AGAP3: variants seen among roughly 807,000 people sequenced by gnomAD.
AGAP3 encodes the protein ArfGAP with GTPase domain, ankyrin repeat and PH domain 3.
A neutral mutation model predicts 96.9 loss-of-function variants in AGAP3; 24 were observed. That is an observed-to-expected ratio of 0.25 (90% confidence interval 0.18 to 0.35). AGAP3 has a LOEUF of 0.35. Among genes scored for constraint, AGAP3 ranks in the 10% least tolerant of loss-of-function variants. The pLI, the probability that AGAP3 is intolerant of heterozygous loss-of-function variation, is 1.00. For synonymous variants in AGAP3, 563 were observed against 536.1 expected (o/e 1.05, Z -0.69); for missense variants, 876 against 1,254.2 (o/e 0.70, Z 4.55).
chr7:151,114,727 G>A lies in AGAP3; in HGVS notation c.332-2066G>A, dbSNP rs1799457993. On this transcript the variant is annotated intron_variant, in intron 1 of 17. Coordinates refer to ENST00000397238, the MANE Select transcript of AGAP3 (RefSeq NM_031946.7). The surrounding 1 kb of genome is among the most constrained non-coding windows in gnomAD (Gnocchi z 4.4). ...GCGGCCCCGGCCCGGGCCCAGCCCCGTGCCCCTCGCCATGGGCCTGGCCCG... is the reference window on the plus strand; with the variant it reads ...GCGGCCCCGGCCCGGGCCCAGCCCCATGCCCCTCGCCATGGGCCTGGCCCG... 2 of 1,007,190 alleles carry A rather than the reference G, an allele frequency of 2.0e-6. No individual in the cohort carries two copies. The highest frequency in any genetic ancestry group is 1.7e-5 in the African/African-American group (1 of 57,354). 62.4% of individuals were successfully genotyped at this position (1,007,190 alleles called of 1,614,324 possible).
rs993262371 is a variant in AGAP3 at position 151,114,983 on chromosome 7, C to A, written c.332-1810C>A. 3.5e-4 allele frequency: 342 copies of A among 983,154 alleles called. 5 individuals carry two copies. The East Asian group carries it at 0.027, about 78-fold the overall frequency. The allele number at this position is 983,154 out of a possible 1,614,324, so 60.9% of individuals were successfully genotyped here. A position where few individuals can be genotyped will look rare whatever the true frequency, so the allele number is the denominator to read the frequency against. On this transcript the variant is annotated intron_variant, in intron 1 of 17. Coordinates refer to ENST00000397238, the MANE Select transcript of AGAP3 (RefSeq NM_031946.7). This position sits in a 1 kb window ranked among gnomAD's most constrained non-coding sequence, Gnocchi z 4.4. ...GCGGCCCGGAGCCGCCGCCCACCGG[C>A]GCCCGCGGCCTTTTGCTCGGCCTCC... is the stretch of plus-strand genomic sequence containing the variant.
Position 151,143,685 on chromosome 7 carries a change from ATC to A in AGAP3, c.2530-45_2530-44del. 1.1e-5 allele frequency: 18 copies of A among 1,610,682 alleles called. No homozygotes were observed. The highest frequency in any genetic ancestry group is 1.5e-5 in the Non-Finnish European group (18 of 1,177,474). The stretch of plus-strand genomic sequence containing the variant: ...CCTCTTCTTTCCTCCCCTACAACCA[ATC>A]TCTCTCCTCCCATGTCTTGCCAACT... On this transcript the variant is annotated intron_variant, in intron 17 of 17. Coordinates refer to ENST00000397238, the MANE Select transcript of AGAP3 (RefSeq NM_031946.7). This position sits in a 1 kb window ranked among gnomAD's most constrained non-coding sequence, Gnocchi z 5.9.
At chr7:151,128,881 C>T (rs1800289839) in intron 10 of AGAP3, among the ~76,000 whole-genome samples, 197 bp downstream of exon 10, 1 of 152,222 alleles carries the variant, frequency 6.6e-6, no homozygotes, top group South Asian at 2.1e-4. Flanking sequence ...CTCCCTTGCC[C>T]TCTGGGCGGT....
chr7:151,143,603 C>T lies in AGAP3; in HGVS notation c.2529+7C>T, dbSNP rs971276635. 2.5e-6 allele frequency: 4 copies of T among 1,598,684 alleles called. No individual in the cohort carries two copies. Among genetic ancestry groups the T allele is most frequent in the Non-Finnish European group, 3.4e-6 (4 of 1,170,414 alleles). On this transcript the variant is annotated splice_region_variant and intron_variant, in intron 17 of 17. Coordinates refer to ENST00000397238, the MANE Select transcript of AGAP3 (RefSeq NM_031946.7). The surrounding 1 kb of genome is among the most constrained non-coding windows in gnomAD (Gnocchi z 5.9). ...CACGCAGCTGCTCATCTGGGTGAGT[C>T]ACGTGCCTCTAGCCTGCCCTGACCT...
chr7:151,134,709 C>T (rs569376267), intron 11 of AGAP3, 141 bp downstream of exon 11: 1 of 893,864 alleles, frequency 1.1e-6, no homozygotes, highest in East Asian at 2.7e-5. Flanking sequence ...CAGCCAAAGA[C>T]ATGTGCCCTA....
At chr7:151,101,256 G>A (rs537901210) in intron 1 of AGAP3, among the ~76,000 whole-genome samples, 1 of 152,248 alleles carries the variant, frequency 6.6e-6, no homozygotes, top group Admixed American at 6.5e-5. Flanking sequence ...TGGGGGAATG[G>A]CTGTCAGGCA....
intron 1 of AGAP3, among the ~76,000 whole-genome samples, chr7:151,098,687 A>G (rs1798708265): frequency 6.6e-6 from 1 of 151,930 alleles, no homozygotes; most frequent in Non-Finnish European, 1.5e-5. Flanking sequence ...TGTTGGTTGT[A>G]AAAATTGAAT....
At chr7:151,127,645 C>T (rs1412211720) in intron 9 of AGAP3, among the ~76,000 whole-genome samples, 1 of 152,144 alleles carries the variant, frequency 6.6e-6, no homozygotes, top group Non-Finnish European at 1.5e-5. Flanking sequence ...CCTGAATGAC[C>T]CCCGCCTCCC....
At position 151,142,134 on chromosome 7, in the gene AGAP3, C is replaced by T. The variant is rs1421144261; in HGVS notation, c.1960-29C>T. ...GGGCCTCATGACTGACCAACCGCCC[C>T]TTGTCTTGTCTCTCCTGCTGTGCGA... On this transcript the variant is annotated intron_variant, in intron 14 of 17. Transcript: ENST00000397238. The surrounding 1 kb of genome is among the most constrained non-coding windows in gnomAD (Gnocchi z 7.5). 6 of 1,612,230 alleles carry T rather than the reference C, an allele frequency of 3.7e-6. No homozygotes were observed. Among genetic ancestry groups the T allele is most frequent in the Non-Finnish European group, 5.1e-6 (6 of 1,178,876 alleles).
chr7:151,121,748 A>G (rs1259928247), intron 8 of AGAP3, among the ~76,000 whole-genome samples: 1 of 151,026 alleles, frequency 6.6e-6, no homozygotes, highest in Non-Finnish European at 1.5e-5. Context: ...TTTTCCTTCC[A>G]TTGTTTCTGT....
chr7:151,087,989 C>T (rs968050613), intron 1 of AGAP3, among the ~76,000 whole-genome samples: 8 of 152,228 alleles, frequency 5.3e-5, no homozygotes, highest in African/African-American at 1.9e-4. Flanking sequence ...TCTGCTTCCT[C>T]CCCCAGCTCT....
At chr7:151,099,053 A>C (rs1014915980) in intron 1 of AGAP3, among the ~76,000 whole-genome samples, 1 of 151,830 alleles carries the variant, frequency 6.6e-6, no homozygotes, top group Non-Finnish European at 1.5e-5. Flanking sequence ...GATTATATTA[A>C]AAATTCAGGG....
chr7:151,123,786 T>G lies in AGAP3; in HGVS notation c.1129-8T>G, dbSNP rs1585088800. 3.1e-6 allele frequency: 5 copies of G among 1,613,012 alleles called. No homozygotes were observed. In the East Asian group the frequency reaches 1.1e-4, roughly 36 times the overall value. On this transcript the variant is annotated splice_polypyrimidine_tract_variant and splice_region_variant and intron_variant, in intron 8 of 17. Transcript: ENST00000397238. The stretch of plus-strand genomic sequence containing the variant: ...CCTCTTTAACACGCCTCTTGTTTTC[T>G]CTTCCAGTCTCGGAAGGGTGCTGAC...
Position 151,119,981 on chromosome 7 carries a change from C to A in AGAP3, c.970-6C>A. On this transcript the variant is annotated splice_region_variant and splice_polypyrimidine_tract_variant and intron_variant, in intron 7 of 17. Coordinates refer to ENST00000397238, the MANE Select transcript of AGAP3 (RefSeq NM_031946.7). Reference sequence around the variant, plus strand: ...AGCTGCCCTCAGCAGCCCTCTTTGTCCTTAGGCCACGAATGGCGGCGGCAG... The same window carrying A: ...AGCTGCCCTCAGCAGCCCTCTTTGTACTTAGGCCACGAATGGCGGCGGCAG... 6.2e-7 allele frequency: 1 copy of A among 1,613,510 alleles called. No individual in the cohort carries two copies. The highest frequency in any genetic ancestry group is 8.5e-7 in the Non-Finnish European group (1 of 1,179,876).
At chr7:151,124,762 C>T (rs1252744380) in intron 9 of AGAP3, among the ~76,000 whole-genome samples, 1 of 152,032 alleles carries the variant, frequency 6.6e-6, no homozygotes, top group African/African-American at 2.4e-5. Flanking sequence ...GTCGGTGTGA[C>T]CAGGATTCAT....
intron 8 of AGAP3, chr7:151,122,587 C>T: frequency 1.3e-6 from 1 of 753,912 alleles, no homozygotes; most frequent in East Asian, 3.3e-5. Flanking sequence ...CCTCGTCCTT[C>T]TCCTCCTCCT....
rs1800818968 is a variant in AGAP3 at position 151,141,720 on chromosome 7, G to C, written c.1805-178G>C. 1.4e-6 allele frequency: 1 copy of C among 692,306 alleles called. No individual in the cohort carries two copies. The highest frequency in any genetic ancestry group is 2.6e-5 in the Admixed American group (1 of 38,494). 42.9% of individuals were successfully genotyped at this position (692,306 alleles called of 1,614,324 possible). On this transcript the variant is annotated intron_variant, in intron 13 of 17. Coordinates refer to ENST00000397238, the MANE Select transcript of AGAP3 (RefSeq NM_031946.7). This position sits in a 1 kb window ranked among gnomAD's most constrained non-coding sequence, Gnocchi z 4.2. Reference sequence around the variant, plus strand: ...ACTGGGAGCTCACACTAGTCTTGCAGGTTTACTCTGGCCTCCCCCTGCAAG... The same window carrying C: ...ACTGGGAGCTCACACTAGTCTTGCACGTTTACTCTGGCCTCCCCCTGCAAG...
At chr7:151,119,088 C>T (rs1394325070) in intron 7 of AGAP3, 8 of 190,906 alleles carry the variant, frequency 4.2e-5, no homozygotes, top group South Asian at 1.2e-4. Context: ...AAGGCGGCAG[C>T]GTTCCCATGT....
intron 8 of AGAP3, among the ~76,000 whole-genome samples, chr7:151,121,304 TCTC>T (rs1799878683): frequency 6.6e-6 from 1 of 151,910 alleles, no homozygotes; most frequent in Non-Finnish European, 1.5e-5. Context: ...ATGTGCAGCT[TCTC>T]CTTTCTATCC....
Sources: allele counts gnomAD v4.1 joint callset (sites outside exome capture counted in the v4.1 genomes callset), GRCh38; gene constraint gnomAD v4.1.1; non-coding constraint Gnocchi (gnomAD v3.1); transcripts MANE v1.5; gene names NCBI Gene and HGNC (gene_info 2026-07-23, HGNC 2026-07-21).